Variants in PIGQ observed in about 807,000 individuals in gnomAD.
The protein encoded by PIGQ is phosphatidylinositol glycan anchor biosynthesis class Q, also known as phosphatidylinositol N-acetylglucosaminyltransferase subunit Q.
A neutral mutation model predicts 60.3 loss-of-function variants in PIGQ; 54 were observed. The ratio of observed to expected loss-of-function variants is 0.90; its 90% CI spans 0.72 to 1.12. The LOEUF (loss-of-function observed/expected upper bound fraction) is 1.12, where lower values mean the gene tolerates loss of function less well. Among genes scored for constraint, PIGQ ranks in the 50% most tolerant of loss-of-function variants. The pLI is 0.00. For synonymous variants in PIGQ, 416 were observed against 363.7 expected (o/e 1.14, Z -1.64); for missense variants, 799 against 793.5 (o/e 1.01, Z -0.08).
chr16:571,961 C>T (rs774571366), intron 1 of PIGQ, among the ~76,000 whole-genome samples: 2 of 152,036 alleles, frequency 1.3e-5, no homozygotes, highest in African/African-American at 2.4e-5. Flanking sequence ...GCGCACAGAT[C>T]GTGAGCACGT....
At chr16:576,535 C>T (rs2035722494) in intron 4 of PIGQ, 1 of 562,936 alleles carries the variant, frequency 1.8e-6, no homozygotes, top group South Asian at 2.4e-5. Context: ...CCCTGTGGGC[C>T]CAGCGTCCTG....
chr16:580,809 C>T (rs2035797259), intron 8 of PIGQ, 49 bp from the exon 9 acceptor site: 1 of 854,232 alleles, frequency 1.2e-6, no homozygotes. Context: ...GACTGCTCTG[C>T]CCCCAGGCGC....
chr16:574,028 C>A, intron 1 of PIGQ, 38 bp from the exon 2 acceptor site: 1 of 1,438,138 alleles, frequency 7.0e-7, no homozygotes. Context: ...GGGGGGGCAG[C>A]AGCAGCTCTG....
At chr16:571,571 C>CGTGTGTGT (rs4006743) in intron 1 of PIGQ, among the ~76,000 whole-genome samples, 1,984 of 87,118 alleles carry the variant, frequency 0.023, 97 homozygotes, top group African/African-American at 0.068. Context: ...GCCTGGTGCC[C>CGTGTGTGT]GTGTGTGTGT....
chr16:575,577 G>A (rs1399360305), intron 2 of PIGQ, among the ~76,000 whole-genome samples: 2 of 152,192 alleles, frequency 1.3e-5, no homozygotes, highest in African/African-American at 2.4e-5. Context: ...TCTTGGCACC[G>A]GCTCTGGGAG....
In PIGQ at chr16:574,042, C is replaced by T. The variant is rs766708144; in HGVS notation, c.-9-24C>T. The stretch of plus-strand genomic sequence containing the variant: ...TGGGGGGGCAGCAGCAGCTCTGAGC[C>T]GAGCCTCTCCTCTTCTCTTCCAGCC... On this transcript the variant is annotated intron_variant, in intron 1 of 10. Coordinates refer to ENST00000321878, the MANE Select transcript of PIGQ (RefSeq NM_004204.5). The T allele has an allele frequency of 1.2e-5, 19 of 1,530,128 alleles. No homozygotes were observed. The South Asian group carries it at 1.3e-4, about 11-fold the overall frequency. 94.8% of individuals were successfully genotyped at this position (1,530,128 alleles called of 1,614,324 possible).
At chr16:574,823 C>T (rs2035693995) in intron 2 of PIGQ, 60 bp downstream of exon 2, 2 of 1,304,114 alleles carry the variant, frequency 1.5e-6, no homozygotes, top group Non-Finnish European at 2.1e-6. Context: ...CTGGCCCATC[C>T]CTTTGTCTGC....
At chr16:571,059 G>A (rs1329576202) in intron 1 of PIGQ, among the ~76,000 whole-genome samples, 1 of 22,456 alleles carries the variant, frequency 4.5e-5, no homozygotes, top group Non-Finnish European at 8.6e-5. Context: ...GTGTGTGTGT[G>A]TGTGTGTGTG....
At chr16:573,623 C>A (rs567687123) in intron 1 of PIGQ, among the ~76,000 whole-genome samples, 11 of 152,332 alleles carry the variant, frequency 7.2e-5, no homozygotes, top group Non-Finnish European at 1.2e-4. Context: ...ATTGGCGTGA[C>A]CTTGCTAATG....
At position 572,764 on chromosome 16, in the gene PIGQ, C is replaced by G. The variant is rs534054329; in HGVS notation, c.-9-1302C>G. On this transcript the variant is annotated intron_variant, in intron 1 of 10. Coordinates refer to ENST00000321878, the MANE Select transcript of PIGQ (RefSeq NM_004204.5). The stretch of plus-strand genomic sequence containing the variant: ...GTGGGCACTGGGACCTCCAGGCGTC[C>G]CGCTCTGTTCCCTCGTCCCTAAGGA... Among the ~76,000 whole-genome samples, 40 of 152,000 alleles carry G rather than the reference C, an allele frequency of 2.6e-4. 3 individuals are homozygous for G. In the South Asian group the frequency reaches 7.1e-3, roughly 27 times the overall value.
rs1175027703 is a variant in PIGQ, at chr16:583,405, G to C, written c.*370G>C. On this transcript the variant is annotated 3_prime_UTR_variant, in exon 11 of 11. Coordinates refer to ENST00000321878, the MANE Select transcript of PIGQ (RefSeq NM_004204.5). ...CCACAGCAGCCCCAGGTGGAGGGCT[G>C]GTCTCCCTGGGGGCTCCCCAGTGGC... The C allele has an allele frequency of 6.2e-7, 1 of 1,612,662 alleles. No individual in the cohort carries two copies. Among genetic ancestry groups the C allele is most frequent in the Non-Finnish European group, 8.5e-7 (1 of 1,179,980 alleles).
rs199939315 is a variant in PIGQ at position 578,965 on chromosome 16, C to T, written c.1223+27C>T. On this transcript the variant is annotated intron_variant, in intron 6 of 10. Transcript: ENST00000321878. ...TGGGCGTGGGCTTCCCCCTCCCCAC[C>T]GCCCCCTGGGAGGTGCAGAGGCTCC... 3.6e-5 allele frequency: 57 copies of T among 1,603,236 alleles called. No homozygotes were observed. The East Asian group carries it at 9.4e-4, about 26-fold the overall frequency.
chr16:580,867 CTGG>C lies in PIGQ; in HGVS notation c.1431_1433del (p.Val478del). 1 of 1,499,670 alleles carries C rather than the reference CTGG, an allele frequency of 6.7e-7. No homozygotes were observed. The highest frequency in any genetic ancestry group is 9.2e-7 in the Non-Finnish European group (1 of 1,084,968). The allele number at this position is 1,499,670 out of a possible 1,614,324, so 92.9% of individuals were successfully genotyped here. On this transcript the variant is annotated inframe_deletion, in exon 9 of 11. Coordinates refer to ENST00000321878, the MANE Select transcript of PIGQ (RefSeq NM_004204.5). ...TGCTCCTCTGCCACAGCTCCGGCTC[CTGG>C]TGGTCGCCGTGCAGGGCCTGATCCA...
intron 8 of PIGQ, 89 bp from the exon 9 acceptor site, chr16:580,769 C>T (rs2035796869): frequency 1.3e-6 from 1 of 752,472 alleles, no homozygotes; most frequent in East Asian, 2.4e-5. Flanking sequence ...AGCCTCTGGG[C>T]CCCCTTCATC....
intron 4 of PIGQ, chr16:576,518 C>T (rs371904684): frequency 9.7e-5 from 55 of 564,362 alleles, no homozygotes; most frequent in Admixed American, 2.7e-4. Context: ...CTGGGGAGCC[C>T]GCCTCTCCCT....
Position 580,269 on chromosome 16 carries a change from C to G in PIGQ, c.1416+6C>G. ...ACTACCTGGTGTTCACCCTGGTGAG[C>G]TGAGCACCCACAGGCTGGGCCTGGC... On this transcript the variant is annotated splice_donor_region_variant and intron_variant, in intron 8 of 10. Coordinates refer to ENST00000321878, the MANE Select transcript of PIGQ (RefSeq NM_004204.5). The G allele has an allele frequency of 6.2e-7, 1 of 1,601,242 alleles. No individual in the cohort carries two copies. Among genetic ancestry groups the G allele is most frequent in the Non-Finnish European group, 8.5e-7 (1 of 1,170,864 alleles).
rs1382076324 is a variant in PIGQ at position 583,682 on chromosome 16, G to A, written c.*647G>A. 7 of 1,601,822 alleles carry A rather than the reference G, an allele frequency of 4.4e-6. No individual in the cohort carries two copies. ...GCATCGCCAGGCTGCTGTGGGGGCG[G>A]GAGCAGCCTCAGTGTCAAGGGCCCG... On this transcript the variant is annotated 3_prime_UTR_variant, in exon 11 of 11. Coordinates refer to ENST00000321878, the MANE Select transcript of PIGQ (RefSeq NM_004204.5).
At chr16:581,949 GT>G (rs1444979557) in intron 9 of PIGQ, 8 of 429,328 alleles carry the variant, frequency 1.9e-5, no homozygotes, top group Non-Finnish European at 3.1e-5. Context: ...TTTTTAGTAC[GT>G]ATGGGGTTTC....
In PIGQ at chr16:574,641, C is replaced by T. The variant is rs892830429; in HGVS notation, c.567C>T (p.Ser189=). The change falls in exon 2 of 11, where the codon AGC becomes AGT. Residue 189 remains serine, a synonymous_variant. Transcript: ENST00000321878. The stretch of plus-strand genomic sequence containing the variant: ...TTGATGAGGGCCCCGTGCGGCTGAG[C>T]CACTGGCAGTCGGAGGGCGTGGAGG... The part of the protein sequence containing the change: ...DRFDEGPVRL[S]HWQSEGVEAS... The T allele has an allele frequency of 5.0e-6, 8 of 1,607,892 alleles. No homozygotes were observed. Among genetic ancestry groups the T allele is most frequent in the Admixed American group, 3.4e-5 (2 of 59,698 alleles).
Sources: gnomAD v4.1 joint callset for allele counts (sites outside exome capture counted in the v4.1 genomes callset) on GRCh38, gnomAD v4.1.1 for gene constraint, MANE v1.5 for transcripts, NCBI Gene and HGNC (gene_info 2026-07-23, HGNC 2026-07-21) for gene names.